The following CNTN4 variants were observed in gnomAD, a reference collection of about 807,000 sequenced individuals.
CNTN4 encodes the protein contactin 4, also known as contactin-4.
CNTN4 carries 77 observed loss-of-function variants against 122.5 expected under a neutral mutation model. The ratio of observed to expected loss-of-function variants is 0.63; its 90% CI spans 0.52 to 0.76. CNTN4 has a LOEUF of 0.76. CNTN4 is among the 30% of genes least tolerant of loss of function. CNTN4 has a pLI of 0.00. For missense variants in CNTN4, 1,256 were observed against 1,259.1 expected, an observed-to-expected ratio of 1.00 and a Z score of 0.04; for synonymous variants, 512 against 447.0, an observed-to-expected ratio of 1.15 and a Z score of -1.83.
chr3:2,853,373 T>G (rs928993326), intron 7 of CNTN4, among the ~76,000 whole-genome samples: 22 of 152,134 alleles, frequency 1.4e-4, no homozygotes, highest in Admixed American at 1.4e-3. Context: ...GCCTCCCAAG[T>G]AGCTGAGGCT....
Position 2,434,349 on chromosome 3 carries a change from CAAAA to C in CNTN4, c.-89+95119_-89+95122del, listed in dbSNP as rs569417619. 2.4e-3 allele frequency among the ~76,000 whole-genome samples: 360 copies of C among 151,624 alleles called. 2 individuals carry two copies. Among genetic ancestry groups the C allele is most frequent in the African/African-American group, 8.3e-3 (343 of 41,378 alleles). On this transcript the variant is annotated intron_variant, in intron 3 of 24. Transcript: ENST00000418658. ...ATGTAAAAATATATCTGTTTAAAAA[CAAAA>C]AAGAAAGAAAGACTCTACAAGAAGA...
chr3:2,624,627 C>CTTTTT (rs1175851279), intron 4 of CNTN4, among the ~76,000 whole-genome samples: 18 of 89,926 alleles, frequency 2.0e-4, no homozygotes, highest in African/African-American at 3.9e-4. Flanking sequence ...ATTTCTGATT[C>CTTTTT]TTTTTTTTTT....
At position 2,911,364 on chromosome 3, in the gene CNTN4, T is replaced by C. The variant is rs372997422; in HGVS notation, c.1207+8359T>C. ...TGAGTAGAAACCAACAAATCTTCAA[T>C]TAGGGGATTACATACAAAAGCCCAG... On this transcript the variant is annotated intron_variant, in intron 12 of 24. Coordinates refer to ENST00000418658, the MANE Select transcript of CNTN4 (RefSeq NM_175607.3). Among the ~76,000 whole-genome samples, 8 of 152,114 alleles carry C rather than the reference T, an allele frequency of 5.3e-5. No homozygotes were observed. In the East Asian group the frequency reaches 1.3e-3, roughly 26 times the overall value.
chr3:2,567,013 C>T (rs913375256), intron 3 of CNTN4, among the ~76,000 whole-genome samples: 2 of 151,694 alleles, frequency 1.3e-5, no homozygotes, highest in African/African-American at 4.8e-5. Flanking sequence ...AAAATAAAAT[C>T]TTTTTAGGTC....
chr3:2,124,838 G>A (rs1191448853), intron 2 of CNTN4, among the ~76,000 whole-genome samples: 3 of 152,186 alleles, frequency 2.0e-5, no homozygotes, highest in African/African-American at 4.8e-5. Context: ...CAGATTTAAT[G>A]TATACAATTT....
At chr3:2,386,629 G>GA (rs11456124) in intron 3 of CNTN4, among the ~76,000 whole-genome samples, 26,682 of 152,142 alleles carry the variant, frequency 0.18, 2,838 homozygotes, top group Middle Eastern at 0.29. Context: ...TTTCTAAGGA[G>GA]TACATGAAAA....
At chr3:2,232,419 C>G (rs138580056) in intron 2 of CNTN4, among the ~76,000 whole-genome samples, 1 of 152,212 alleles carries the variant, frequency 6.6e-6, no homozygotes, top group African/African-American at 2.4e-5. Context: ...TGCATGAGAA[C>G]AACTGTTAAG....
intron 2 of CNTN4, among the ~76,000 whole-genome samples, chr3:2,263,291 T>G (rs1289847920): frequency 6.6e-6 from 1 of 152,096 alleles, no homozygotes; most frequent in Non-Finnish European, 1.5e-5. Flanking sequence ...CTCTTAACGG[T>G]GTCAGCAAAA....
intron 2 of CNTN4, among the ~76,000 whole-genome samples, chr3:2,210,476 C>T (rs1236407593): frequency 6.6e-6 from 1 of 152,008 alleles, no homozygotes; most frequent in Non-Finnish European, 1.5e-5. Flanking sequence ...CAGTCTTGGC[C>T]CCCTCCAGTA....
At chr3:2,787,147 C>T (rs1231749588) in intron 6 of CNTN4, among the ~76,000 whole-genome samples, 10 of 152,050 alleles carry the variant, frequency 6.6e-5, no homozygotes, top group Non-Finnish European at 1.5e-4. Flanking sequence ...GAGGCCGAGG[C>T]GGGTGGATCA....
At chr3:2,216,085 C>T (rs111716253) in intron 2 of CNTN4, among the ~76,000 whole-genome samples, 2 of 151,884 alleles carry the variant, frequency 1.3e-5, no homozygotes, top group Non-Finnish European at 1.5e-5. Context: ...CACATGCACA[C>T]GAATGTTCAC....
intron 3 of CNTN4, among the ~76,000 whole-genome samples, chr3:2,542,491 G>C (rs2078072229): frequency 6.6e-6 from 1 of 152,090 alleles, no homozygotes; most frequent in Admixed American, 6.6e-5. Flanking sequence ...TAATCTCCAA[G>C]ACACAGGATT....
chr3:2,343,817 A>G (rs79968866), intron 3 of CNTN4, among the ~76,000 whole-genome samples: 6,054 of 152,220 alleles, frequency 0.04, 172 homozygotes, highest in South Asian at 0.067. Context: ...AGGCTGGGTT[A>G]TTTACAAGGA....
rs1298793158 is a variant in CNTN4, at chr3:3,040,160, A to C, written c.2287A>C (p.Arg763=). 6.2e-7 allele frequency: 1 copy of C among 1,614,210 alleles called. No individual in the cohort carries two copies. The highest frequency in any genetic ancestry group is 1.1e-5 in the South Asian group (1 of 91,088). The change falls in exon 20 of 25, where the codon AGG becomes CGG. Residue 763 remains arginine (R), a synonymous_variant. Transcript: ENST00000418658. ...AGCTGATGCCTCTAGATACGTGTTC[A>C]GGAATGAGAGCGTGCACCCCTTCTC... ...ASADASRYVF[R]NESVHPFSPF... is the part of the protein sequence containing the mutation.
chr3:2,802,606 T>G (rs1210668411), intron 6 of CNTN4, among the ~76,000 whole-genome samples: 1 of 152,154 alleles, frequency 6.6e-6, no homozygotes, highest in Admixed American at 6.5e-5. Flanking sequence ...CAGAAACAAG[T>G]AAAGCAAGGT....
chr3:2,117,559 C>G (rs2033447802), intron 2 of CNTN4, among the ~76,000 whole-genome samples: 1 of 152,192 alleles, frequency 6.6e-6, no homozygotes, highest in African/African-American at 2.4e-5. Context: ...TCCCAACCCT[C>G]TAATTATATC....
rs1559483221 is a variant in CNTN4 at position 2,358,233 on chromosome 3, G to GT, written c.-89+19003dup. Among the ~76,000 whole-genome samples, 4 of 152,254 alleles carry GT rather than the reference G, an allele frequency of 2.6e-5. No homozygotes were observed. In the East Asian group the frequency reaches 5.8e-4, roughly 22 times the overall value. On this transcript the variant is annotated intron_variant, in intron 3 of 24. Coordinates refer to ENST00000418658, the MANE Select transcript of CNTN4 (RefSeq NM_175607.3). ...TAACAGTTTGAGGAATGTTTTGGTA[G>GT]TTTCTGTGACCTTGAGTAAGCTTTC...
chr3:2,376,716 A>C (rs1466119067), intron 3 of CNTN4, among the ~76,000 whole-genome samples: 1 of 150,262 alleles, frequency 6.7e-6, no homozygotes, highest in Non-Finnish European at 1.5e-5. Flanking sequence ...GGTCAGGTTA[A>C]CATATAATAT....
intron 3 of CNTN4, among the ~76,000 whole-genome samples, chr3:2,568,204 G>T (rs550965510): frequency 6.7e-6 from 1 of 150,000 alleles, no homozygotes; most frequent in African/African-American, 2.4e-5. Flanking sequence ...ACTCTTAAGG[G>T]AAAACTGATT....
Sources: gnomAD v4.1 joint callset for allele counts (sites outside exome capture counted in the v4.1 genomes callset) on GRCh38, gnomAD v4.1.1 for gene constraint, MANE v1.5 for transcripts, NCBI Gene and HGNC (gene_info 2026-07-23, HGNC 2026-07-21) for gene names.